VPS13A: variants seen among roughly 807,000 people sequenced by gnomAD.
VPS13A encodes vacuolar protein sorting 13 homolog A.
VPS13A carries 264 observed loss-of-function variants against 390.9 expected under a neutral mutation model. That is an observed-to-expected ratio of 0.68 (90% confidence interval 0.61 to 0.75). VPS13A has a LOEUF of 0.75. VPS13A is among the 30% of genes least tolerant of loss of function. The pLI is 0.00. For synonymous variants in VPS13A, 1,231 were observed against 1,227.1 expected, an observed-to-expected ratio of 1.00 and a Z score of -0.07; for missense variants, 3,409 against 3,733.9, an observed-to-expected ratio of 0.91 and a Z score of 2.27.
At chr9:77,265,016 A>G (rs1239464898) in intron 23 of VPS13A, among the ~76,000 whole-genome samples, 2 of 152,182 alleles carry the variant, frequency 1.3e-5, no homozygotes, top group Non-Finnish European at 2.9e-5. Context: ...AGGGTGTTGA[A>G]TTTTATCGAA....
At chr9:77,210,552 C>T (rs1426354525) in intron 6 of VPS13A, 64 bp from the exon 7 acceptor site, 2 of 1,530,788 alleles carry the variant, frequency 1.3e-6, no homozygotes, top group South Asian at 2.3e-5. Flanking sequence ...ACAGTTTTTT[C>T]TATAAAGTGG....
intron 19 of VPS13A, among the ~76,000 whole-genome samples, chr9:77,243,447 C>T (rs1824621533): frequency 6.6e-6 from 1 of 152,064 alleles, no homozygotes; most frequent in African/African-American, 2.4e-5. Context: ...TTGTTATTTT[C>T]CCCTTCCTTT....
intron 54 of VPS13A, among the ~76,000 whole-genome samples, chr9:77,356,380 A>G (rs576051248): frequency 1.3e-5 from 2 of 152,132 alleles, no homozygotes; most frequent in East Asian, 1.9e-4. Context: ...CCTTGTCTAC[A>G]TTTTCTTCTT....
At chr9:77,360,273 T>C (rs975966653) in intron 58 of VPS13A, among the ~76,000 whole-genome samples, 1 of 152,190 alleles carries the variant, frequency 6.6e-6, no homozygotes, top group African/African-American at 2.4e-5. Context: ...AGCCATAGTT[T>C]ATTCATTATC....
chr9:77,213,005 G>A lies in VPS13A; in HGVS notation c.592G>A (p.Glu198Lys). 5 of 1,613,822 alleles carry A rather than the reference G, an allele frequency of 3.1e-6. No homozygotes were observed. The highest frequency in any genetic ancestry group is 4.2e-6 in the Non-Finnish European group (5 of 1,179,948). The change falls in exon 8 of 72, where the codon GAA becomes AAA. Residue 198 changes from glutamate to lysine, a missense_variant. This residue lies in a region of VPS13A where 2,717 missense variants were observed against 2,917.4 expected (regional missense o/e 0.93). Transcript: ENST00000360280. ...ATACTGGGTTCCATGTTTACATGAT[G>A]AAACTGAGAAACTGGTTCGTAAGGT... ...DQYWVPCLHD[E>K]TEKLVRKLIR...
chr9:77,403,507 A>G (rs1587725514), intron 69 of VPS13A, among the ~76,000 whole-genome samples, 186 bp downstream of exon 69: 1 of 152,310 alleles, frequency 6.6e-6, no homozygotes, highest in Non-Finnish European at 1.5e-5. Flanking sequence ...ATGCATACAG[A>G]TAAACACAGT....
intron 56 of VPS13A, 114 bp downstream of exon 56, chr9:77,357,952 CTTTTTTT>C: frequency 9.0e-5 from 31 of 345,780 alleles, no homozygotes; most frequent in East Asian, 1.9e-4. Flanking sequence ...TTGTGCTAGC[CTTTTTTT>C]TTTTTTTTTT....
At chr9:77,385,369 G>A (rs1347938895) in intron 68 of VPS13A, among the ~76,000 whole-genome samples, 1 of 151,610 alleles carries the variant, frequency 6.6e-6, no homozygotes, top group Non-Finnish European at 1.5e-5. Context: ...CATATTTTTT[G>A]TGAAACAATG....
chr9:77,226,955 T>C (rs1464705322), intron 15 of VPS13A, among the ~76,000 whole-genome samples: 1 of 152,128 alleles, frequency 6.6e-6, no homozygotes, highest in African/African-American at 2.4e-5. Context: ...AGTATAGCTT[T>C]GGAGGTTTAG....
At chr9:77,336,235 G>T (rs900666847) in intron 46 of VPS13A, among the ~76,000 whole-genome samples, 3 of 152,086 alleles carry the variant, frequency 2.0e-5, no homozygotes, top group Non-Finnish European at 4.4e-5. Flanking sequence ...GAGAGCATTA[G>T]GAGAAATACC....
chr9:77,233,064 A>G (rs1823928611), intron 17 of VPS13A, among the ~76,000 whole-genome samples: 3 of 152,188 alleles, frequency 2.0e-5, no homozygotes, highest in Non-Finnish European at 4.4e-5. Flanking sequence ...AGTAAAGTTT[A>G]CTATAGGTTT....
At chr9:77,373,794 AAAAC>A (rs538998089) in intron 67 of VPS13A, among the ~76,000 whole-genome samples, 28 of 151,874 alleles carry the variant, frequency 1.8e-4, no homozygotes, top group African/African-American at 2.9e-4. Flanking sequence ...TTACAAGAAA[AAAAC>A]AAACAACCCC....
intron 1 of VPS13A, among the ~76,000 whole-genome samples, chr9:77,196,802 A>C (rs1825031834): frequency 6.6e-6 from 1 of 152,136 alleles, no homozygotes; most frequent in African/African-American, 2.4e-5. Flanking sequence ...TGCAATAAAC[A>C]TAAAGTCCAG....
At chr9:77,353,365 T>G in intron 53 of VPS13A, 44 bp from the exon 54 acceptor site, 1 of 1,456,492 alleles carries the variant, frequency 6.9e-7, no homozygotes, top group African/African-American at 1.4e-5. Flanking sequence ...GGGACCAAAT[T>G]CTAATTTTTT....
In VPS13A at chr9:77,269,931, C is replaced by T. The variant is rs955857850; in HGVS notation, c.2428-3349C>T. The stretch of plus-strand genomic sequence containing the variant: ...TTTATAAGAAAAGGAAATTTGGTCT[C>T]ACAGAGACACCAGAGATGCATGCAC... On this transcript the variant is annotated intron_variant, in intron 23 of 71. Coordinates refer to ENST00000360280, the MANE Select transcript of VPS13A (RefSeq NM_033305.3). 4.5e-4 allele frequency among the ~76,000 whole-genome samples: 68 copies of T among 152,112 alleles called. 3 individuals carry two copies.
At position 77,353,393 on chromosome 9, in the gene VPS13A, G is replaced by C; in HGVS notation, c.7420-16G>C. 1 of 1,041,458 alleles carries C rather than the reference G, an allele frequency of 9.6e-7. No individual in the cohort carries two copies. The highest frequency in any genetic ancestry group is 1.3e-6 in the Non-Finnish European group (1 of 772,328). The allele number at this position is 1,041,458 out of a possible 1,614,324, so 64.5% of individuals were successfully genotyped here. Reference sequence around the variant, plus strand: ...AATTTTTTGGTTTTTTTTTTTTTTTGGTGGTTTTATTCTAGGATATGATGA... The same window carrying C: ...AATTTTTTGGTTTTTTTTTTTTTTTCGTGGTTTTATTCTAGGATATGATGA... On this transcript the variant is annotated splice_polypyrimidine_tract_variant and intron_variant, in intron 53 of 71. Transcript: ENST00000360280.
chr9:77,274,770 G>C (rs1826548976), intron 24 of VPS13A, among the ~76,000 whole-genome samples: 1 of 151,924 alleles, frequency 6.6e-6, no homozygotes, highest in African/African-American at 2.4e-5. Context: ...GTCGATTCTT[G>C]GTTTCTTAGA....
intron 23 of VPS13A, among the ~76,000 whole-genome samples, chr9:77,270,282 TCTGTTGAGA>T (rs1330148540): frequency 1.3e-5 from 2 of 152,216 alleles, no homozygotes; most frequent in African/African-American, 4.8e-5. Context: ...TCAAGCTGTT[TCTGTTGAGA>T]CCTCAAGTGG....
intron 34 of VPS13A, chr9:77,305,669 C>T (rs1828695817): frequency 6.2e-6 from 1 of 160,784 alleles, no homozygotes; most frequent in African/African-American, 2.4e-5. Context: ...CTCTAATTCA[C>T]CTGAGTAGTT....
Sources: gnomAD v4.1 joint callset for allele counts (sites outside exome capture counted in the v4.1 genomes callset) on GRCh38, gnomAD v4.1.1 for gene constraint, gnomAD v4.1.1 regional missense constraint, MANE v1.5 for transcripts, NCBI Gene and HGNC (gene_info 2026-07-23, HGNC 2026-07-21) for gene names.